The following MED17 variants were observed in gnomAD, a reference collection of about 807,000 sequenced individuals.
MED17 encodes the protein mediator complex subunit 17.
In MED17, 49 loss-of-function variants were observed where a neutral mutation model predicts 80.8. That is an observed-to-expected ratio of 0.61 (90% CI 0.48 to 0.77). MED17 has a LOEUF of 0.77. Among genes scored for constraint, MED17 ranks in the 30% least tolerant of loss-of-function variants. MED17 has a pLI of 0.00. For synonymous variants in MED17, 281 were observed against 280.4 expected, an observed-to-expected ratio of 1.00 and a Z score of -0.02; for missense variants, 718 against 787.0, an observed-to-expected ratio of 0.91 and a Z score of 1.05.
chr11:93,804,852 G>T (rs1225081593), intron 9 of MED17, among the ~76,000 whole-genome samples: 1 of 152,194 alleles, frequency 6.6e-6, no homozygotes, highest in African/African-American at 2.4e-5. Context: ...AAACTCAGTA[G>T]TGTTTTAGTT....
At chr11:93,794,218 T>TC in intron 5 of MED17, 183 bp downstream of exon 5, 1 of 497,294 alleles carries the variant, frequency 2.0e-6, no homozygotes, top group Non-Finnish European at 3.6e-6. Context: ...TTTTTTTTTT[T>TC]TTTGAGACCA....
intron 1 of MED17, among the ~76,000 whole-genome samples, chr11:93,785,650 T>G (rs1704621426): frequency 6.6e-6 from 1 of 152,122 alleles, no homozygotes; most frequent in Non-Finnish European, 1.5e-5. Flanking sequence ...TAAAACAAAG[T>G]GTTAGAAGAA....
chr11:93,787,168 C>G (rs567134709), intron 1 of MED17, among the ~76,000 whole-genome samples: 2 of 152,256 alleles, frequency 1.3e-5, no homozygotes, highest in East Asian at 3.9e-4. Context: ...AATCCCAGCA[C>G]TTTCGGAGGC....
At chr11:93,792,108 AG>A (rs1943843252) in intron 3 of MED17, among the ~76,000 whole-genome samples, 1 of 152,312 alleles carries the variant, frequency 6.6e-6, no homozygotes, top group Admixed American at 6.5e-5. Context: ...AAAACTTCAT[AG>A]CTCAATGGGG....
chr11:93,794,173 A>G (rs1170873346), intron 5 of MED17, 138 bp downstream of exon 5: 2 of 676,916 alleles, frequency 3.0e-6, no homozygotes, highest in Non-Finnish European at 5.0e-6. Context: ...AAATTTATCA[A>G]TAAACTATTA....
chr11:93,790,457 G>A (rs1442646244), intron 2 of MED17, 117 bp from the exon 3 acceptor site: 3 of 826,670 alleles, frequency 3.6e-6, no homozygotes, highest in Non-Finnish European at 6.2e-6. Context: ...ACACTGTTAT[G>A]TGTACTTGCC....
At chr11:93,798,463 A>G (rs1943928146) in intron 8 of MED17, among the ~76,000 whole-genome samples, 1 of 152,018 alleles carries the variant, frequency 6.6e-6, no homozygotes. Flanking sequence ...AATAGATGAT[A>G]TTTTATTTTT....
Position 93,809,707 on chromosome 11 carries a change from T to C in MED17, c.1585-10T>C, listed in dbSNP as rs759268020. ...CTGACTGTCAGTCAAGTGTCCTTTT[T>C]CATTCACAGATGTCACAGCACCAGG... On this transcript the variant is annotated splice_polypyrimidine_tract_variant and intron_variant, in intron 10 of 11. Transcript: ENST00000251871. The C allele has an allele frequency of 1.1e-5, 17 of 1,614,034 alleles. No individual in the cohort carries two copies. Among genetic ancestry groups the C allele is most frequent in the Non-Finnish European group, 1.4e-5 (16 of 1,180,012 alleles).
In MED17 at chr11:93,790,770, G is replaced by A. The variant is rs764838810; in HGVS notation, c.614G>A (p.Gly205Glu). The change falls in exon 3 of 12, where the codon GGA becomes GAA. Residue 205 changes from glycine to glutamate, a missense_variant. Physicochemically the swap from Gly to Glu is moderately conservative, Grantham distance 98. Coordinates refer to ENST00000251871, the MANE Select transcript of MED17 (RefSeq NM_004268.5). ...KLRKVGDKIL[G>E]DLSYRSAGSL... ...CGAAAAGTTGGAGATAAAATTCTCG[G>A]AGATCTGAGCTACAGAAGTGCAGGT... The A allele has an allele frequency of 6.2e-7, 1 of 1,614,070 alleles. No homozygotes were observed. The highest frequency in any genetic ancestry group is 8.5e-7 in the Non-Finnish European group (1 of 1,179,970).
chr11:93,785,149 G>C (rs1943755966), intron 1 of MED17, among the ~76,000 whole-genome samples: 1 of 152,248 alleles, frequency 6.6e-6, no homozygotes, highest in Admixed American at 6.5e-5. Flanking sequence ...CGGTGTGAAT[G>C]ATGATAGTAG....
chr11:93,814,447 A>G lies in MED17; in HGVS notation c.*2383A>G, dbSNP rs1436381522. 1 of 152,206 alleles carries G rather than the reference A, an allele frequency of 6.6e-6. No homozygotes were observed. The highest frequency in any genetic ancestry group is 1.5e-5 in the Non-Finnish European group (1 of 68,034). 9.4% of individuals were successfully genotyped at this position (152,206 alleles called of 1,614,324 possible). A position where few individuals can be genotyped will look rare whatever the true frequency, so the allele number is the denominator to read the frequency against. ...AAAACCAATTAGCCCCTCAACAAGT[A>G]TTAACAGGTTGGCAAGGAGCTGTGT... On this transcript the variant is annotated 3_prime_UTR_variant, in exon 12 of 12. Transcript: ENST00000251871.
intron 5 of MED17, 146 bp from the exon 6 acceptor site, chr11:93,794,760 GTC>G: frequency 2.4e-6 from 2 of 850,824 alleles, no homozygotes; most frequent in Non-Finnish European, 3.6e-6. Flanking sequence ...ATTTTTGACA[GTC>G]TCTATAGAGA....
At chr11:93,794,118 A>G in intron 5 of MED17, 83 bp downstream of exon 5, 1 of 955,326 alleles carries the variant, frequency 1.0e-6, no homozygotes, top group Non-Finnish European at 1.5e-6. Context: ...ATAGGTAGGA[A>G]AAAATAGATA....
At chr11:93,789,608 A>G (rs1372474479) in intron 2 of MED17, 1 of 152,234 alleles carries the variant, frequency 6.6e-6, no homozygotes, top group Non-Finnish European at 1.5e-5. Context: ...TTATATATGC[A>G]TATGTGATAC....
chr11:93,793,239 C>G (rs1943860358), intron 3 of MED17: 1 of 164,430 alleles, frequency 6.1e-6, no homozygotes, highest in African/African-American at 2.4e-5. Flanking sequence ...CCTTAGCCTC[C>G]TCAGTAGCTG....
At chr11:93,786,364 A>T (rs1943769808) in intron 1 of MED17, among the ~76,000 whole-genome samples, 1 of 152,206 alleles carries the variant, frequency 6.6e-6, no homozygotes. Flanking sequence ...GAAATTGAAA[A>T]GATTGTTAAT....
intron 9 of MED17, among the ~76,000 whole-genome samples, chr11:93,804,520 T>C (rs1359294476): frequency 6.6e-6 from 1 of 152,230 alleles, no homozygotes; most frequent in East Asian, 1.9e-4. Context: ...TAAAACAGTT[T>C]CTTACACATC....
chr11:93,797,713 G>A lies in MED17; in HGVS notation c.1322G>A (p.Arg441Lys). 1.9e-6 allele frequency: 3 copies of A among 1,612,290 alleles called. No individual in the cohort carries two copies. The highest frequency in any genetic ancestry group is 8.5e-7 in the Non-Finnish European group (1 of 1,178,454). The change falls in exon 8 of 12, where the codon AGG becomes AAG. Residue 441 changes from arginine (R) to lysine (K), a missense_variant. By Grantham distance (26) the Arg-to-Lys change is conservative. Coordinates refer to ENST00000251871, the MANE Select transcript of MED17 (RefSeq NM_004268.5). ...IIKQAKHIFL[R>K]SRAAATIDSL... Reference sequence around the variant, plus strand: ...AAACAAGCAAAGCATATTTTTCTAAGGAGTAGGTAAGGTTGAAGAAAGTTA... The same window carrying A: ...AAACAAGCAAAGCATATTTTTCTAAAGAGTAGGTAAGGTTGAAGAAAGTTA...
chr11:93,792,081 C>CG (rs34265115), intron 3 of MED17, among the ~76,000 whole-genome samples: 123,097 of 152,056 alleles, frequency 0.81, 50,864 homozygotes, highest in Non-Finnish European at 0.88. Flanking sequence ...AGGCAGTCAG[C>CG]GGGCTGGCTA....
Sources: allele counts gnomAD v4.1 joint callset (sites outside exome capture counted in the v4.1 genomes callset), GRCh38; gene constraint gnomAD v4.1.1; transcripts MANE v1.5; gene names NCBI Gene and HGNC (gene_info 2026-07-23, HGNC 2026-07-21).